Variants in CSMD1 observed in about 807,000 individuals in gnomAD.
CSMD1 encodes CUB and sushi domain-containing protein 1.
CSMD1 carries 213 observed loss-of-function variants against 417.5 expected under a neutral mutation model. The ratio of observed to expected loss-of-function variants is 0.51; its 90% CI spans 0.46 to 0.57. The LOEUF is 0.57. Among genes scored for constraint, CSMD1 ranks in the 20% least tolerant of loss-of-function variants. The probability of loss-of-function intolerance (pLI) is 0.00; values close to 1 mark genes in which losing one functional copy is unlikely to be tolerated. For synonymous variants in CSMD1, 2,862 were observed against 1,736.8 expected (o/e 1.65, Z -16.11); for missense variants, 6,923 against 4,529.7 (o/e 1.53, Z -15.17).
At chr8:4,028,229 C>T (rs545418910) in intron 4 of CSMD1, among the ~76,000 whole-genome samples, 12 of 152,228 alleles carry the variant, frequency 7.9e-5, no homozygotes, top group South Asian at 2.1e-4. Flanking sequence ...AATTCAAATA[C>T]GATTAATCCC....
intron 3 of CSMD1, among the ~76,000 whole-genome samples, chr8:4,178,424 C>T (rs910869308): frequency 8.0e-5 from 12 of 150,884 alleles, no homozygotes; most frequent in South Asian, 2.1e-4. Flanking sequence ...ATTGATGGGA[C>T]GTATCTCAAA....
intron 5 of CSMD1, among the ~76,000 whole-genome samples, chr8:3,842,214 C>T (rs1051982753): frequency 1.2e-4 from 18 of 152,220 alleles, no homozygotes; most frequent in African/African-American, 4.3e-4. Flanking sequence ...TTCCAAGCCT[C>T]TTGTAGAATC....
At chr8:3,612,164 G>A (rs566649764) in intron 8 of CSMD1, among the ~76,000 whole-genome samples, 1 of 152,178 alleles carries the variant, frequency 6.6e-6, no homozygotes, top group East Asian at 1.9e-4. Context: ...CTATGCAAAT[G>A]TAAGACAAAT....
chr8:3,213,711 G>A (rs544738652), intron 30 of CSMD1, among the ~76,000 whole-genome samples: 2 of 149,986 alleles, frequency 1.3e-5, no homozygotes, highest in Non-Finnish European at 3.0e-5. Flanking sequence ...AAAAATATAT[G>A]TACATTAAAA....
intron 23 of CSMD1, among the ~76,000 whole-genome samples, chr8:3,314,761 C>A (rs1173022340): frequency 6.6e-6 from 1 of 152,178 alleles, no homozygotes; most frequent in African/African-American, 2.4e-5. Context: ...TATCTTCTAA[C>A]AATATTAGAG....
At chr8:3,279,793 C>T (rs1054058651) in intron 26 of CSMD1, among the ~76,000 whole-genome samples, 2 of 152,078 alleles carry the variant, frequency 1.3e-5, no homozygotes, top group African/African-American at 2.4e-5. Flanking sequence ...GGAGAAATGC[C>T]AGACCCTTAT....
chr8:4,831,736 C>A (rs1409447010), intron 1 of CSMD1, among the ~76,000 whole-genome samples: 1 of 152,118 alleles, frequency 6.6e-6, no homozygotes, highest in African/African-American at 2.4e-5. Flanking sequence ...CTGTACCTGG[C>A]CTTGGGGTTC....
intron 3 of CSMD1, among the ~76,000 whole-genome samples, chr8:4,278,082 C>G (rs976454010): frequency 1.3e-5 from 2 of 152,100 alleles, no homozygotes; most frequent in African/African-American, 2.4e-5. Context: ...AATTAAAATG[C>G]TACATTTATA....
intron 15 of CSMD1, among the ~76,000 whole-genome samples, chr8:3,403,569 C>G (rs1447035499): frequency 6.6e-6 from 1 of 152,156 alleles, no homozygotes; most frequent in Non-Finnish European, 1.5e-5. Context: ...GTGCTGTGGT[C>G]CACACTCACC....
At chr8:4,752,613 G>A (rs780879376) in intron 1 of CSMD1, among the ~76,000 whole-genome samples, 3 of 152,088 alleles carry the variant, frequency 2.0e-5, no homozygotes, top group Non-Finnish European at 4.4e-5. Flanking sequence ...AAAAATGTAG[G>A]GGAGCAAGAG....
At chr8:3,261,907 T>G (rs1017042661) in intron 26 of CSMD1, among the ~76,000 whole-genome samples, 2 of 151,948 alleles carry the variant, frequency 1.3e-5, no homozygotes, top group Non-Finnish European at 2.9e-5. Context: ...ATCCTATTCC[T>G]GGGGGAAATG....
intron 1 of CSMD1, among the ~76,000 whole-genome samples, chr8:4,885,974 T>TTTATTTAC (rs1014175627): frequency 7.2e-6 from 1 of 139,484 alleles, no homozygotes; most frequent in Non-Finnish European, 1.6e-5. Flanking sequence ...TCTGATCCTT[T>TTTATTTAC]TTATTTACTT....
chr8:4,590,660 G>C (rs377094209), intron 2 of CSMD1, among the ~76,000 whole-genome samples: 103 of 152,192 alleles, frequency 6.8e-4, no homozygotes, highest in Middle Eastern at 6.8e-3. Flanking sequence ...ACATTATAAA[G>C]CTATATTCAC....
At chr8:4,765,907 A>G (rs974253243) in intron 1 of CSMD1, among the ~76,000 whole-genome samples, 1 of 152,176 alleles carries the variant, frequency 6.6e-6, no homozygotes, top group African/African-American at 2.4e-5. Context: ...TATATCATTA[A>G]ATGCCAAAAG....
intron 2 of CSMD1, among the ~76,000 whole-genome samples, chr8:4,456,502 T>G (rs764245207): frequency 9.9e-5 from 15 of 152,206 alleles, no homozygotes; most frequent in African/African-American, 3.6e-4. Flanking sequence ...AAATTGTAGG[T>G]TCTAAGTAAA....
rs114028792 is a variant in CSMD1 at position 4,297,398 on chromosome 8, T to C, written c.415+122555A>G. ...CGTTCAGCGTACTGTAATTCATTTT[T>C]ATTGACTAAGAAGTGAATGTTAAAC... On this transcript the variant is annotated intron_variant, in intron 3 of 69. Coordinates refer to ENST00000635120, the MANE Select transcript of CSMD1 (RefSeq NM_033225.6). Among the ~76,000 whole-genome samples, 1,395 of 152,262 alleles carry C rather than the reference T, an allele frequency of 9.2e-3. 19 individuals carry two copies. Among genetic ancestry groups the C allele is most frequent in the African/African-American group, 0.032 (1,347 of 41,558 alleles).
intron 3 of CSMD1, among the ~76,000 whole-genome samples, chr8:4,123,524 G>A (rs1030071635): frequency 6.6e-6 from 1 of 152,164 alleles, no homozygotes; most frequent in African/African-American, 2.4e-5. Context: ...TTTCTTTGAT[G>A]ATTAACATTG....
At chr8:3,939,619 G>A (rs28493116) in intron 5 of CSMD1, among the ~76,000 whole-genome samples, 5 of 152,220 alleles carry the variant, frequency 3.3e-5, no homozygotes, top group African/African-American at 9.6e-5. Context: ...AGCAATGAAA[G>A]TGATCATCAG....
intron 5 of CSMD1, among the ~76,000 whole-genome samples, chr8:3,892,321 CTG>C (rs909798596): frequency 3.9e-5 from 6 of 152,142 alleles, no homozygotes; most frequent in Non-Finnish European, 8.8e-5. Context: ...AAAAGGGAAA[CTG>C]TCTTCAGCCT....
Sources: gnomAD v4.1 joint callset for allele counts (sites outside exome capture counted in the v4.1 genomes callset) on GRCh38, gnomAD v4.1.1 for gene constraint, MANE v1.5 for transcripts, NCBI Gene and HGNC (gene_info 2026-07-23, HGNC 2026-07-21) for gene names.